CNTNAP4: variants seen among roughly 807,000 people sequenced by gnomAD.
CNTNAP4 encodes contactin-associated protein-like 4.
In CNTNAP4, 98 loss-of-function variants were observed where a neutral mutation model predicts 148.4. That is an observed-to-expected ratio of 0.66 (90% confidence interval 0.56 to 0.78). The LOEUF (loss-of-function observed/expected upper bound fraction) is 0.78. CNTNAP4 is among the 30% of genes least tolerant of loss of function. The pLI, the probability that CNTNAP4 is intolerant of heterozygous loss-of-function variation, is 0.00. For synonymous variants in CNTNAP4, 730 were observed against 565.1 expected, an observed-to-expected ratio of 1.29 and a Z score of -4.14; for missense variants, 1,935 against 1,565.6, an observed-to-expected ratio of 1.24 and a Z score of -3.98.
At chr16:76,318,087 G>A (rs1961997397) in intron 2 of CNTNAP4, among the ~76,000 whole-genome samples, 1 of 152,166 alleles carries the variant, frequency 6.6e-6, no homozygotes, top group African/African-American at 2.4e-5. Flanking sequence ...TAGCCTCTCT[G>A]ATGGCCATTC....
intron 14 of CNTNAP4, among the ~76,000 whole-genome samples, chr16:76,498,166 G>C (rs962056612): frequency 6.6e-6 from 1 of 152,184 alleles, no homozygotes; most frequent in Non-Finnish European, 1.5e-5. Flanking sequence ...TGAGGCAAGT[G>C]GATCACTTGA....
At chr16:76,426,084 G>T (rs2145037657) in intron 3 of CNTNAP4, among the ~76,000 whole-genome samples, 1 of 152,240 alleles carries the variant, frequency 6.6e-6, no homozygotes, top group Non-Finnish European at 1.5e-5. Context: ...TGCCATCACA[G>T]CTGTGCCTGT....
intron 11 of CNTNAP4, among the ~76,000 whole-genome samples, chr16:76,478,624 C>G (rs1042379600): frequency 6.6e-6 from 1 of 151,946 alleles, no homozygotes; most frequent in Non-Finnish European, 1.5e-5. Context: ...TATATTTGGC[C>G]AAGTGTTCAA....
intron 2 of CNTNAP4, among the ~76,000 whole-genome samples, chr16:76,345,424 G>A (rs953458069): frequency 6.6e-6 from 1 of 152,220 alleles, no homozygotes; most frequent in Non-Finnish European, 1.5e-5. Context: ...ACTGAATTGA[G>A]TGAAGCAGTC....
chr16:76,340,630 A>G (rs531866979), intron 2 of CNTNAP4, among the ~76,000 whole-genome samples: 3 of 152,276 alleles, frequency 2.0e-5, no homozygotes, highest in Admixed American at 1.3e-4. Flanking sequence ...TCTTCATTCA[A>G]TACATATTTA....
Position 76,361,783 on chromosome 16 carries a change from A to G in CNTNAP4, c.390+6272A>G, listed in dbSNP as rs148710637. Among the ~76,000 whole-genome samples the G allele has an allele frequency of 6.4e-3, 969 of 152,208 alleles. 6 individuals are homozygous for G. The highest frequency in any genetic ancestry group is 0.01 in the Non-Finnish European group (708 of 68,016). On this transcript the variant is annotated intron_variant, in intron 3 of 23. Coordinates refer to ENST00000611870, the MANE Select transcript of CNTNAP4 (RefSeq NM_033401.5). ...GTTGTACCATTTTAAATTTCTACCAACTATGTACTAGGGTTCCGATTTCTC... is the reference window on the plus strand; with the variant it reads ...GTTGTACCATTTTAAATTTCTACCAGCTATGTACTAGGGTTCCGATTTCTC...
intron 3 of CNTNAP4, among the ~76,000 whole-genome samples, chr16:76,390,984 T>G (rs2016942598): frequency 6.6e-6 from 1 of 152,204 alleles, no homozygotes; most frequent in Admixed American, 6.5e-5. Flanking sequence ...ATCCATTCAC[T>G]CAAGCACTTA....
chr16:76,489,648 T>C (rs1183395644), intron 12 of CNTNAP4, 38 bp from the exon 13 acceptor site: 1 of 1,199,924 alleles, frequency 8.3e-7, no homozygotes, highest in Admixed American at 2.6e-5. Context: ...AGACTAGTGA[T>C]GGTCTCCTCT....
rs370298482 is a variant in CNTNAP4, at chr16:76,559,754, C to T, written c.*1071C>T. On this transcript the variant is annotated 3_prime_UTR_variant, in exon 24 of 24. Transcript: ENST00000611870. ...AGAGACAAATTGAAGTATAGAGCCC[C>T]ATTTCCCATTCTGAAACATATACCC... Among the ~76,000 whole-genome samples the T allele has an allele frequency of 6.6e-6, 1 of 152,174 alleles. No individual in the cohort carries two copies. The highest frequency in any genetic ancestry group is 1.5e-5 in the Non-Finnish European group (1 of 67,982).
chr16:76,379,077 C>A (rs1034616960), intron 3 of CNTNAP4, among the ~76,000 whole-genome samples: 2 of 152,130 alleles, frequency 1.3e-5, no homozygotes, highest in African/African-American at 4.8e-5. Context: ...TAGGGTTACC[C>A]CGGACTCAAA....
At chr16:76,321,787 CAAAAAAAA>C (rs5817984) in intron 2 of CNTNAP4, among the ~76,000 whole-genome samples, 1 of 105,430 alleles carries the variant, frequency 9.5e-6, no homozygotes, top group Non-Finnish European at 2.0e-5. Flanking sequence ...GACTCAGTCT[CAAAAAAAA>C]AAAAAAAAAA....
chr16:76,342,465 C>CTTTT (rs397854943), intron 2 of CNTNAP4, among the ~76,000 whole-genome samples: 104 of 91,488 alleles, frequency 1.1e-3, no homozygotes, highest in African/African-American at 1.4e-3. Context: ...TTGCTAATTT[C>CTTTT]TTTTTTTTTT....
intron 21 of CNTNAP4, among the ~76,000 whole-genome samples, chr16:76,548,845 A>G (rs1402055731): frequency 6.6e-6 from 1 of 152,110 alleles, no homozygotes; most frequent in Non-Finnish European, 1.5e-5. Flanking sequence ...AAAAACTTAT[A>G]TTTTTGCCCA....
At chr16:76,321,273 T>A (rs1962377902) in intron 2 of CNTNAP4, among the ~76,000 whole-genome samples, 1 of 152,232 alleles carries the variant, frequency 6.6e-6, no homozygotes, top group South Asian at 2.1e-4. Context: ...TGGATGGATC[T>A]CTATAAGAAT....
chr16:76,416,300 C>T (rs952421422), intron 3 of CNTNAP4, among the ~76,000 whole-genome samples: 3 of 151,230 alleles, frequency 2.0e-5, no homozygotes, highest in African/African-American at 7.3e-5. Context: ...TTTCCTTCTG[C>T]ATTCTTTAGG....
chr16:76,375,339 T>A (rs2015312571), intron 3 of CNTNAP4, among the ~76,000 whole-genome samples: 1 of 152,106 alleles, frequency 6.6e-6, no homozygotes, highest in African/African-American at 2.4e-5. Context: ...AGAGAATCAC[T>A]TGAACCTGGG....
chr16:76,296,493 C>T (rs754427319), intron 1 of CNTNAP4, among the ~76,000 whole-genome samples: 1 of 152,038 alleles, frequency 6.6e-6, no homozygotes, highest in African/African-American at 2.4e-5. Context: ...AATGGAAAAG[C>T]AAGTTTAAAA....
intron 3 of CNTNAP4, among the ~76,000 whole-genome samples, chr16:76,385,935 C>T (rs892975863): frequency 6.6e-6 from 1 of 151,378 alleles, no homozygotes; most frequent in African/African-American, 2.4e-5. Context: ...CCATTTTAAA[C>T]AGGGAAATCA....
At chr16:76,432,978 AC>A (rs944688949) in intron 4 of CNTNAP4, among the ~76,000 whole-genome samples, 4 of 151,966 alleles carry the variant, frequency 2.6e-5, no homozygotes, top group African/African-American at 9.7e-5. Flanking sequence ...TATTTGGATA[AC>A]TCTCTTACTC....
Sources: allele counts gnomAD v4.1 joint callset (sites outside exome capture counted in the v4.1 genomes callset), GRCh38; gene constraint gnomAD v4.1.1; transcripts MANE v1.5; gene names NCBI Gene and HGNC (gene_info 2026-07-23, HGNC 2026-07-21).